FUT9: variants seen among roughly 807,000 people sequenced by gnomAD.
The protein encoded by FUT9 is 4-galactosyl-N-acetylglucosaminide 3-alpha-L-fucosyltransferase 9.
Under a neutral mutation model 29.7 loss-of-function variants are expected in FUT9, and 15 were observed. That is an observed-to-expected ratio of 0.51 (90% confidence interval 0.34 to 0.78). FUT9 has a LOEUF of 0.78. FUT9 is among the 30% of genes least tolerant of loss of function. FUT9 has a pLI of 0.01. For missense variants in FUT9, 319 were observed against 425.4 expected (o/e 0.75, Z 2.20); for synonymous variants, 169 against 153.7 (o/e 1.10, Z -0.74).
At chr6:96,017,511 C>T (rs1245089768) in intron 1 of FUT9, among the ~76,000 whole-genome samples, 1 of 152,120 alleles carries the variant, frequency 6.6e-6, no homozygotes, top group Non-Finnish European at 1.5e-5. Flanking sequence ...AAAATTTGTG[C>T]TCTCAATTTC....
intron 1 of FUT9, among the ~76,000 whole-genome samples, chr6:96,104,340 TTAATATTA>T (rs1771639522): frequency 6.6e-6 from 1 of 152,242 alleles, no homozygotes; most frequent in Non-Finnish European, 1.5e-5. Context: ...AGTAAATATT[TTAATATTA>T]TTTGACCAAA....
chr6:96,167,422 GA>G (rs1773034161), intron 2 of FUT9, among the ~76,000 whole-genome samples: 1 of 152,198 alleles, frequency 6.6e-6, no homozygotes, highest in African/African-American at 2.4e-5. Flanking sequence ...TCACAAGGTG[GA>G]GGGGTAATAT....
chr6:96,048,399 A>G (rs946000297), intron 1 of FUT9, among the ~76,000 whole-genome samples: 2 of 152,196 alleles, frequency 1.3e-5, no homozygotes, highest in African/African-American at 4.8e-5. Flanking sequence ...GAGCAGTAAC[A>G]TTGGAAATCA....
At chr6:96,152,096 A>G (rs1772687989) in intron 2 of FUT9, among the ~76,000 whole-genome samples, 1 of 152,184 alleles carries the variant, frequency 6.6e-6, no homozygotes, top group Non-Finnish European at 1.5e-5. Context: ...AGAGATCAGC[A>G]TTATATTTTG....
chr6:96,103,635 A>C (rs1771627393), intron 1 of FUT9, among the ~76,000 whole-genome samples: 1 of 152,048 alleles, frequency 6.6e-6, no homozygotes, highest in Non-Finnish European at 1.5e-5. Context: ...GCTTAACTAC[A>C]ATCTCTGTTT....
At chr6:96,057,152 C>A (rs1770786095) in intron 1 of FUT9, among the ~76,000 whole-genome samples, 1 of 152,088 alleles carries the variant, frequency 6.6e-6, no homozygotes, top group African/African-American at 2.4e-5. Flanking sequence ...GGGACATAAT[C>A]CCATCAGAAA....
At chr6:96,175,017 T>G (rs999181446) in intron 2 of FUT9, among the ~76,000 whole-genome samples, 7 of 152,088 alleles carry the variant, frequency 4.6e-5, no homozygotes, top group African/African-American at 1.7e-4. Flanking sequence ...TGCTGTGGAC[T>G]AAATAATAGT....
At chr6:96,017,215 C>G (rs1454290143) in intron 1 of FUT9, among the ~76,000 whole-genome samples, 5 of 152,144 alleles carry the variant, frequency 3.3e-5, no homozygotes, top group Admixed American at 3.3e-4. Flanking sequence ...AGCCAAAGCT[C>G]TTATTTTTCT....
chr6:96,027,419 C>G lies in FUT9; in HGVS notation c.-98+11207C>G, dbSNP rs1052684876. On this transcript the variant is annotated intron_variant, in intron 1 of 2. Coordinates refer to ENST00000302103, the MANE Select transcript of FUT9 (RefSeq NM_006581.4). ...CTGCCCTGATGCACAGATGTTCTTTCTTTATTTCTTTGTCATAGTTTTTTT... is the reference window on the plus strand; with the variant it reads ...CTGCCCTGATGCACAGATGTTCTTTGTTTATTTCTTTGTCATAGTTTTTTT... 5.9e-5 allele frequency among the ~76,000 whole-genome samples: 9 copies of G among 151,646 alleles called. No homozygotes were observed. The East Asian group carries it at 1.8e-3, about 30-fold the overall frequency.
chr6:96,107,163 C>T (rs1175308195), intron 1 of FUT9, among the ~76,000 whole-genome samples: 1 of 152,094 alleles, frequency 6.6e-6, no homozygotes, highest in Admixed American at 6.6e-5. Flanking sequence ...CATCTGAAGG[C>T]AAAATATGCA....
intron 2 of FUT9, among the ~76,000 whole-genome samples, chr6:96,156,444 GCT>G (rs1772786510): frequency 6.6e-6 from 1 of 152,074 alleles, no homozygotes; most frequent in African/African-American, 2.4e-5. Context: ...GAAAAGGAAA[GCT>G]CTCAGCAAAA....
intron 2 of FUT9, among the ~76,000 whole-genome samples, chr6:96,198,262 C>G (rs1435405301): frequency 7.1e-6 from 1 of 140,224 alleles, no homozygotes; most frequent in Non-Finnish European, 1.5e-5. Context: ...TGCTATCCCT[C>G]CCACCTCCCC....
At chr6:96,095,798 G>C (rs947891572) in intron 1 of FUT9, among the ~76,000 whole-genome samples, 3 of 152,010 alleles carry the variant, frequency 2.0e-5, no homozygotes, top group Admixed American at 6.6e-5. Flanking sequence ...TTGAATTACA[G>C]CTCAACTAGT....
chr6:96,093,531 A>G (rs1679518439), intron 1 of FUT9, among the ~76,000 whole-genome samples: 1 of 152,144 alleles, frequency 6.6e-6, no homozygotes, highest in African/African-American at 2.4e-5. Context: ...ATATATCAAC[A>G]TATGTTAAGA....
chr6:96,113,819 A>G (rs1771858368), intron 1 of FUT9, among the ~76,000 whole-genome samples: 1 of 148,496 alleles, frequency 6.7e-6, no homozygotes, highest in Admixed American at 6.8e-5. Flanking sequence ...ATGCCACTGC[A>G]CTCCAGCCTG....
chr6:96,193,742 A>T (rs1403745155), intron 2 of FUT9, among the ~76,000 whole-genome samples: 1 of 152,166 alleles, frequency 6.6e-6, no homozygotes, highest in Non-Finnish European at 1.5e-5. Context: ...TGCTATAAAG[A>T]CACATGCACA....
intron 1 of FUT9, chr6:96,037,158 G>T (rs1283820442): frequency 6.6e-6 from 1 of 151,876 alleles, no homozygotes; most frequent in African/African-American, 2.4e-5. Flanking sequence ...TTTATTTTCT[G>T]GAGAGTTAAC....
chr6:96,108,791 C>A (rs1446774306), intron 1 of FUT9, among the ~76,000 whole-genome samples: 1 of 152,088 alleles, frequency 6.6e-6, no homozygotes, highest in Non-Finnish European at 1.5e-5. Flanking sequence ...AAATAGAATG[C>A]CACTACATTG....
At chr6:96,052,904 A>G (rs1770698589) in intron 1 of FUT9, among the ~76,000 whole-genome samples, 1 of 152,170 alleles carries the variant, frequency 6.6e-6, no homozygotes, top group African/African-American at 2.4e-5. Context: ...TAATAAGGTC[A>G]AAACATTTAA....
Sources: allele counts gnomAD v4.1 joint callset (sites outside exome capture counted in the v4.1 genomes callset), GRCh38; gene constraint gnomAD v4.1.1; transcripts MANE v1.5; gene names NCBI Gene and HGNC (gene_info 2026-07-23, HGNC 2026-07-21).